The following LHFPL3 variants were observed in gnomAD, a reference collection of about 807,000 sequenced individuals.
LHFPL3 encodes the protein LHFPL tetraspan subfamily member 3 protein.
LHFPL3 carries 5 observed loss-of-function variants against 19.3 expected under a neutral mutation model. The observed-to-expected ratio is 0.26, with a 90% CI of 0.14 to 0.54. The LOEUF (loss-of-function observed/expected upper bound fraction) is 0.54. Among genes scored for constraint, LHFPL3 ranks in the 20% least tolerant of loss-of-function variants. LHFPL3 has a pLI of 0.94. For synonymous variants in LHFPL3, 133 were observed against 126.2 expected, an observed-to-expected ratio of 1.05 and a Z score of -0.36; for missense variants, 249 against 307.4, an observed-to-expected ratio of 0.81 and a Z score of 1.42.
intron 1 of LHFPL3, among the ~76,000 whole-genome samples, chr7:104,510,330 A>C: frequency 6.6e-6 from 1 of 152,154 alleles, no homozygotes; most frequent in Non-Finnish European, 1.5e-5. Context: ...AATCTCAAGA[A>C]TTATTTTCTA....
In LHFPL3 at chr7:104,758,276, G is replaced by A. The variant is rs538948691; in HGVS notation, c.682+21365G>A. ...ACTACCTGGGTAATCCGCTAGTAGGGATCATTTGTTCCCCAAACCTCAGTA... is the reference window on the plus strand; with the variant it reads ...ACTACCTGGGTAATCCGCTAGTAGGAATCATTTGTTCCCCAAACCTCAGTA... On this transcript the variant is annotated intron_variant, in intron 2 of 2. Transcript: ENST00000424859. 7.2e-5 allele frequency among the ~76,000 whole-genome samples: 11 copies of A among 152,250 alleles called. No homozygotes were observed. In the East Asian group the frequency reaches 2.1e-3, roughly 29 times the overall value.
chr7:104,419,894 C>T (rs1791692137), intron 1 of LHFPL3, among the ~76,000 whole-genome samples: 1 of 152,098 alleles, frequency 6.6e-6, no homozygotes, highest in Admixed American at 6.5e-5. Flanking sequence ...CTTTGGGCAC[C>T]CAGAAGTATC....
intron 2 of LHFPL3, among the ~76,000 whole-genome samples, chr7:104,873,365 C>T (rs1204777567): frequency 6.6e-6 from 1 of 152,086 alleles, no homozygotes; most frequent in Non-Finnish European, 1.5e-5. Flanking sequence ...AGCAGAAGAT[C>T]CTATTAAGAC....
intron 1 of LHFPL3, among the ~76,000 whole-genome samples, chr7:104,517,803 C>T (rs901737452): frequency 5.3e-5 from 8 of 152,078 alleles, no homozygotes; most frequent in African/African-American, 1.9e-4. Context: ...TGACCATGCC[C>T]GGACAATTGC....
At chr7:104,749,499 C>T (rs1340095691) in intron 2 of LHFPL3, among the ~76,000 whole-genome samples, 7 of 152,148 alleles carry the variant, frequency 4.6e-5, no homozygotes, top group South Asian at 2.1e-4. Context: ...GCAAATTTTT[C>T]GCAATCCTGC....
At chr7:104,587,519 T>C (rs538939093) in intron 1 of LHFPL3, among the ~76,000 whole-genome samples, 53 of 152,350 alleles carry the variant, frequency 3.5e-4, no homozygotes, top group African/African-American at 1.2e-3. Context: ...CAGTCTATCA[T>C]TGTTGGACAT....
At chr7:104,427,986 T>G (rs531645295) in intron 1 of LHFPL3, among the ~76,000 whole-genome samples, 3 of 152,324 alleles carry the variant, frequency 2.0e-5, no homozygotes, top group Admixed American at 2.0e-4. Context: ...GGAGAACTTC[T>G]CTAATTAAAA....
chr7:104,883,862 G>A (rs1342493850), intron 2 of LHFPL3, among the ~76,000 whole-genome samples: 1 of 152,140 alleles, frequency 6.6e-6, no homozygotes, highest in African/African-American at 2.4e-5. Context: ...GGGCACCAAA[G>A]CAGCCCATCC....
At chr7:104,645,054 T>C (rs1318021334) in intron 1 of LHFPL3, among the ~76,000 whole-genome samples, 1 of 152,166 alleles carries the variant, frequency 6.6e-6, no homozygotes, top group African/African-American at 2.4e-5. Flanking sequence ...GAGGCAGCCA[T>C]TCAGGTTTTT....
At chr7:104,523,277 T>A (rs1208381691) in intron 1 of LHFPL3, among the ~76,000 whole-genome samples, 1 of 152,116 alleles carries the variant, frequency 6.6e-6, no homozygotes, top group East Asian at 1.9e-4. Context: ...TCTAACTCTT[T>A]AATGATCTCA....
intron 2 of LHFPL3, among the ~76,000 whole-genome samples, chr7:104,888,323 A>G (rs186566821): frequency 1.3e-5 from 2 of 152,252 alleles, no homozygotes; most frequent in African/African-American, 2.4e-5. Context: ...TGAGTCCAGG[A>G]GTTTGGAAAC....
chr7:104,334,415 C>T lies in LHFPL3; in HGVS notation c.445+5191C>T, dbSNP rs536015370. Among the ~76,000 whole-genome samples, 13 of 152,278 alleles carry T rather than the reference C, an allele frequency of 8.5e-5. No individual in the cohort carries two copies. The South Asian group carries it at 2.3e-3, about 27-fold the overall frequency. ...TACAAAAACTAGCCAGGTATGGTGGCGTACACCTGTAATCCCAGCTACTCA... is the reference window on the plus strand; with the variant it reads ...TACAAAAACTAGCCAGGTATGGTGGTGTACACCTGTAATCCCAGCTACTCA... On this transcript the variant is annotated intron_variant, in intron 1 of 2. Transcript: ENST00000424859.
intron 1 of LHFPL3, among the ~76,000 whole-genome samples, chr7:104,594,270 G>T (rs1301041007): frequency 6.6e-6 from 1 of 152,134 alleles, no homozygotes; most frequent in African/African-American, 2.4e-5. Flanking sequence ...TGTCTGTAAA[G>T]GATTTTATTT....
chr7:104,352,477 C>G (rs1046587418), intron 1 of LHFPL3, among the ~76,000 whole-genome samples: 2 of 152,192 alleles, frequency 1.3e-5, no homozygotes, highest in African/African-American at 4.8e-5. Context: ...ATAGATGCCT[C>G]AAGGCATCCA....
intron 1 of LHFPL3, among the ~76,000 whole-genome samples, chr7:104,540,417 C>T (rs1297238377): frequency 6.6e-6 from 1 of 152,120 alleles, no homozygotes; most frequent in Non-Finnish European, 1.5e-5. Flanking sequence ...GGATGGGGTG[C>T]TCCCAGCATC....
intron 1 of LHFPL3, among the ~76,000 whole-genome samples, chr7:104,466,043 G>A (rs1278154756): frequency 1.3e-5 from 2 of 152,160 alleles, no homozygotes; most frequent in African/African-American, 4.8e-5. Context: ...ATATTATGTT[G>A]TTTTTGGGTG....
intron 2 of LHFPL3, among the ~76,000 whole-genome samples, chr7:104,891,803 G>A (rs557620555): frequency 5.9e-5 from 9 of 152,310 alleles, no homozygotes; most frequent in Non-Finnish European, 7.4e-5. Context: ...GTCTGTGACA[G>A]CCACCAAAGG....
intron 2 of LHFPL3, among the ~76,000 whole-genome samples, chr7:104,751,573 C>T (rs993386711): frequency 1.3e-5 from 2 of 151,262 alleles, no homozygotes; most frequent in South Asian, 4.2e-4. Context: ...CATCAATCCA[C>T]CAAGTCTTAA....
Position 104,538,891 on chromosome 7 carries a change from C to T in LHFPL3, c.446-197784C>T, listed in dbSNP as rs181612877. Among the ~76,000 whole-genome samples the T allele has an allele frequency of 2.9e-3, 439 of 152,278 alleles. 2 individuals carry two copies. The highest frequency in any genetic ancestry group is 5.2e-3 in the Non-Finnish European group (354 of 68,012). The stretch of plus-strand genomic sequence containing the variant: ...TATACAAGTGGGCTCAATCTATTAT[C>T]ATGGGTTCTTAAAATCAGAGAACCT... On this transcript the variant is annotated intron_variant, in intron 1 of 2. Coordinates refer to ENST00000424859, the MANE Select transcript of LHFPL3 (RefSeq NM_199000.3).
Sources: allele counts gnomAD v4.1 joint callset (sites outside exome capture counted in the v4.1 genomes callset), GRCh38; gene constraint gnomAD v4.1.1; transcripts MANE v1.5; gene names NCBI Gene and HGNC (gene_info 2026-07-23, HGNC 2026-07-21).